FHIT: variants seen among roughly 807,000 people sequenced by gnomAD.
FHIT encodes bis(5'-adenosyl)-triphosphatase.
A neutral mutation model predicts 17.9 loss-of-function variants in FHIT; 19 were observed. The ratio of observed to expected loss-of-function variants is 1.06; its 90% CI spans 0.74 to 1.56. The LOEUF is 1.56. Ranked by LOEUF, FHIT falls within the 40% of genes most tolerant of loss-of-function variation. The probability of loss-of-function intolerance (pLI) is 0.00; values close to 1 mark genes in which losing one functional copy is unlikely to be tolerated. For synonymous variants in FHIT, 81 were observed against 69.7 expected (o/e 1.16, Z -0.81); for missense variants, 248 against 189.2 (o/e 1.31, Z -1.82).
chr3:60,798,305 T>C (rs1175194234), intron 4 of FHIT, among the ~76,000 whole-genome samples: 2 of 152,168 alleles, frequency 1.3e-5, no homozygotes, highest in Non-Finnish European at 2.9e-5. Flanking sequence ...TTAATTGGAA[T>C]AAATATATAA....
intron 3 of FHIT, among the ~76,000 whole-genome samples, chr3:61,032,619 G>T (rs1046120363): frequency 2.6e-5 from 4 of 152,134 alleles, no homozygotes; most frequent in African/African-American, 9.7e-5. Context: ...AAGCAAAGGG[G>T]CTAATAGACC....
chr3:59,936,270 A>C (rs1706234465), intron 7 of FHIT, among the ~76,000 whole-genome samples: 1 of 152,092 alleles, frequency 6.6e-6, no homozygotes, highest in Admixed American at 6.5e-5. Flanking sequence ...AAGAATATCT[A>C]TTTTTTTATT....
At chr3:60,344,019 G>C (rs1003550726) in intron 5 of FHIT, among the ~76,000 whole-genome samples, 13 of 152,194 alleles carry the variant, frequency 8.5e-5, no homozygotes, top group African/African-American at 2.7e-4. Context: ...TATGACTACA[G>C]TTATCCAACA....
chr3:60,515,383 T>C (rs2035113675), intron 5 of FHIT, among the ~76,000 whole-genome samples: 1 of 151,938 alleles, frequency 6.6e-6, no homozygotes, highest in African/African-American at 2.4e-5. Context: ...ATGCAAGAAA[T>C]TGAGGGAATT....
chr3:60,516,821 A>G (rs1305973736), intron 5 of FHIT, among the ~76,000 whole-genome samples: 1 of 152,238 alleles, frequency 6.6e-6, no homozygotes, highest in Non-Finnish European at 1.5e-5. Flanking sequence ...AGACAATGAC[A>G]GGGATCACTT....
In FHIT at chr3:60,077,715, C is replaced by CAT. The variant is rs1418948028; in HGVS notation, c.104-63564_104-63563insAT. On this transcript the variant is annotated intron_variant, in intron 5 of 9. Coordinates refer to ENST00000492590, the MANE Select transcript of FHIT (RefSeq NM_002012.4). ...ACACACACACACACACACACACACA[C>CAT]ACACACACACACACATATATAGAGG... 1.1e-4 allele frequency among the ~76,000 whole-genome samples: 11 copies of CAT among 102,356 alleles called. No individual in the cohort carries two copies. The South Asian group carries it at 1.9e-3, about 17-fold the overall frequency. The allele number at this position is 102,356 out of a possible 152,430, so 67.1% of individuals were successfully genotyped here. A position where few individuals can be genotyped will look rare whatever the true frequency, so the allele number is the denominator to read the frequency against.
intron 4 of FHIT, among the ~76,000 whole-genome samples, chr3:60,786,345 A>G (rs1559721360): frequency 6.6e-6 from 1 of 152,244 alleles, no homozygotes; most frequent in Non-Finnish European, 1.5e-5. Flanking sequence ...TTTAAGTTTT[A>G]TAATCTTGCT....
intron 3 of FHIT, among the ~76,000 whole-genome samples, chr3:61,011,524 AC>A (rs2031788608): frequency 6.6e-6 from 1 of 152,150 alleles, no homozygotes; most frequent in Non-Finnish European, 1.5e-5. Context: ...GCTGTTACGT[AC>A]CTTCATTCTT....
At chr3:59,985,802 T>C (rs1259495023) in intron 7 of FHIT, among the ~76,000 whole-genome samples, 1 of 152,134 alleles carries the variant, frequency 6.6e-6, no homozygotes, top group Admixed American at 6.6e-5. Context: ...GAGCCTAGGC[T>C]GAACCTTAGA....
chr3:60,501,129 A>T (rs1399128217), intron 5 of FHIT, among the ~76,000 whole-genome samples: 1 of 152,198 alleles, frequency 6.6e-6, no homozygotes, highest in Non-Finnish European at 1.5e-5. Context: ...TAGTGGGCAA[A>T]AAACTGATTC....
intron 5 of FHIT, among the ~76,000 whole-genome samples, chr3:60,177,764 G>A (rs923422558): frequency 6.6e-6 from 1 of 152,180 alleles, no homozygotes; most frequent in Non-Finnish European, 1.5e-5. Flanking sequence ...CAGCTAAAGA[G>A]TTCTCACTCC....
chr3:60,265,873 A>C (rs1706548060), intron 5 of FHIT, among the ~76,000 whole-genome samples: 2 of 151,990 alleles, frequency 1.3e-5, no homozygotes, highest in South Asian at 4.1e-4. Flanking sequence ...AAACACCATG[A>C]GTCACCATTT....
At chr3:60,618,402 C>A (rs550975066) in intron 4 of FHIT, among the ~76,000 whole-genome samples, 6 of 152,110 alleles carry the variant, frequency 3.9e-5, no homozygotes, top group Non-Finnish European at 5.9e-5. Context: ...AGCCCAGCAT[C>A]CATTAGTTAC....
rs139298960 is a variant in FHIT at position 60,957,007 on chromosome 3, A to G, written c.-111+85040T>C. ...GGGCTCATGGTCAGGCAGTACTGCA[A>G]CAAAGCCTGGATTATGCACTACTTT... On this transcript the variant is annotated intron_variant, in intron 3 of 9. Coordinates refer to ENST00000492590, the MANE Select transcript of FHIT (RefSeq NM_002012.4). Among the ~76,000 whole-genome samples, 547 of 152,226 alleles carry G rather than the reference A, an allele frequency of 3.6e-3. 7 individuals carry two copies. Among genetic ancestry groups the G allele is most frequent in the African/African-American group, 0.012 (501 of 41,544 alleles).
intron 5 of FHIT, among the ~76,000 whole-genome samples, chr3:60,230,726 T>G (rs35007946): frequency 2.0e-5 from 3 of 152,118 alleles, no homozygotes; most frequent in Non-Finnish European, 2.9e-5. Context: ...ATTTGTGTTT[T>G]TGAGATTGAA....
At chr3:60,277,787 C>G (rs1480480604) in intron 5 of FHIT, among the ~76,000 whole-genome samples, 1 of 152,120 alleles carries the variant, frequency 6.6e-6, no homozygotes, top group African/African-American at 2.4e-5. Flanking sequence ...TAATCCTCAG[C>G]TCCCAAACTC....
intron 5 of FHIT, among the ~76,000 whole-genome samples, chr3:60,085,248 C>G (rs1703446976): frequency 6.6e-6 from 1 of 152,106 alleles, no homozygotes; most frequent in African/African-American, 2.4e-5. Context: ...AAGACGGGTA[C>G]AGACAAGCAG....
At chr3:60,177,263 G>C (rs1701720442) in intron 5 of FHIT, among the ~76,000 whole-genome samples, 1 of 146,354 alleles carries the variant, frequency 6.8e-6, no homozygotes, top group Non-Finnish European at 1.5e-5. Context: ...AATAAGCCAA[G>C]GTTAAAAAAA....
intron 7 of FHIT, among the ~76,000 whole-genome samples, chr3:59,984,289 C>A (rs1381902097): frequency 2.6e-5 from 4 of 151,908 alleles, no homozygotes; most frequent in Admixed American, 2.6e-4. Flanking sequence ...GCCCAGGAAG[C>A]ACCATTAGGG....
Sources: allele counts gnomAD v4.1 joint callset (sites outside exome capture counted in the v4.1 genomes callset), GRCh38; gene constraint gnomAD v4.1.1; transcripts MANE v1.5; gene names NCBI Gene and HGNC (gene_info 2026-07-23, HGNC 2026-07-21).